Variants in FRK observed in about 807,000 individuals in gnomAD.
The protein encoded by FRK is fyn related Src family tyrosine kinase.
In FRK, 51 loss-of-function variants were observed where a neutral mutation model predicts 56.4. The ratio of observed to expected loss-of-function variants is 0.90; its 90% CI spans 0.72 to 1.14. The LOEUF (loss-of-function observed/expected upper bound fraction) is 1.14, where lower values mean the gene tolerates loss of function less well. FRK is among the 50% of genes most tolerant of loss of function. The pLI, the probability that FRK is intolerant of heterozygous loss-of-function variation, is 0.00. For missense variants in FRK, 570 were observed against 601.4 expected (o/e 0.95, Z 0.55); for synonymous variants, 245 against 217.9 (o/e 1.12, Z -1.10).
chr6:116,053,304 A>C (rs1777248168), intron 1 of FRK, among the ~76,000 whole-genome samples: 1 of 152,180 alleles, frequency 6.6e-6, no homozygotes, highest in African/African-American at 2.4e-5. Flanking sequence ...TAGTTAGAAA[A>C]TCTGAAGGGA....
intron 1 of FRK, among the ~76,000 whole-genome samples, chr6:116,030,890 T>C (rs895342870): frequency 6.6e-6 from 1 of 152,128 alleles, no homozygotes; most frequent in Non-Finnish European, 1.5e-5. Context: ...GTAGCTGGTA[T>C]CTGCAGTAGA....
At chr6:116,083,859 T>C in the FRK span, among the ~76,000 whole-genome samples, 1 of 150,994 alleles carries the variant, frequency 6.6e-6, no homozygotes, top group Non-Finnish European at 1.5e-5. Flanking sequence ...TGAGGCCTCA[T>C]TATGTTGCCC....
the FRK span, among the ~76,000 whole-genome samples, chr6:116,094,280 G>A: frequency 1.3e-5 from 2 of 152,188 alleles, no homozygotes; most frequent in East Asian, 1.9e-4. Flanking sequence ...GAGGGTGCCC[G>A]GGGCAAGCGC....
At chr6:116,010,537 A>C (rs2114710896) in intron 1 of FRK, among the ~76,000 whole-genome samples, 1 of 152,324 alleles carries the variant, frequency 6.6e-6, no homozygotes, top group East Asian at 1.9e-4. Context: ...TGAGCAGCGA[A>C]ACAGATGGAA....
chr6:116,063,996 A>G (rs562154437), upstream of FRK, among the ~76,000 whole-genome samples: 24 of 152,320 alleles, frequency 1.6e-4, no homozygotes, highest in African/African-American at 5.5e-4. Flanking sequence ...GACTCTAAAA[A>G]TATCTGATAT....
the FRK span, among the ~76,000 whole-genome samples, chr6:116,094,674 G>A: frequency 2.6e-5 from 4 of 152,250 alleles, no homozygotes; most frequent in African/African-American, 9.6e-5. Flanking sequence ...GCCGTCAAAA[G>A]GGGAAGGAGA....
chr6:115,952,677 G>A, intron 5 of FRK, among the ~76,000 whole-genome samples: 1 of 151,118 alleles, frequency 6.6e-6, no homozygotes, highest in East Asian at 1.9e-4. Flanking sequence ...CAACCCAAAT[G>A]TCCAACAATG....
chr6:116,017,964 T>C (rs1206290135), intron 1 of FRK, among the ~76,000 whole-genome samples: 1 of 152,194 alleles, frequency 6.6e-6, no homozygotes, highest in Non-Finnish European at 1.5e-5. Flanking sequence ...ATAAAATTTG[T>C]GAAGAGCAAA....
In FRK at chr6:116,060,379, T is replaced by C. The variant is rs1777584374; in HGVS notation, c.-68A>G. 2 of 1,302,464 alleles carry C rather than the reference T, an allele frequency of 1.5e-6. No individual in the cohort carries two copies. Among genetic ancestry groups the C allele is most frequent in the Non-Finnish European group, 1.1e-6 (1 of 932,282 alleles). 80.7% of individuals were successfully genotyped at this position (1,302,464 alleles called of 1,614,324 possible). On this transcript the variant is annotated 5_prime_UTR_variant, in exon 1 of 8. Coordinates refer to ENST00000606080, the MANE Select transcript of FRK (RefSeq NM_002031.3). ...CCCTTAGTCTCTGCGATCCACCTTA[T>C]CTTCCTTCACCAGGCAACTTTGAAG...
chr6:116,040,257 A>T (rs1464476567), intron 1 of FRK, among the ~76,000 whole-genome samples: 1 of 152,210 alleles, frequency 6.6e-6, no homozygotes, highest in East Asian at 1.9e-4. Context: ...GTAAAACTAC[A>T]TATGTGTAAT....
intron 2 of FRK, among the ~76,000 whole-genome samples, chr6:115,969,471 G>A (rs576731671): frequency 5.9e-5 from 9 of 152,126 alleles, no homozygotes; most frequent in South Asian, 2.1e-4. Context: ...TACTGTTGCC[G>A]CCCACCTACC....
chr6:115,963,085 T>G, intron 4 of FRK, among the ~76,000 whole-genome samples: 1 of 50,210 alleles, frequency 2.0e-5, no homozygotes, highest in Non-Finnish European at 4.1e-5. Flanking sequence ...AAAAAAACCT[T>G]CAAAAAATCA....
intron 4 of FRK, among the ~76,000 whole-genome samples, chr6:115,959,282 A>T (rs1773229673): frequency 6.6e-6 from 1 of 152,212 alleles, no homozygotes; most frequent in African/African-American, 2.4e-5. Context: ...AATCAATAAT[A>T]ATTATTCCTG....
At chr6:116,028,204 A>G (rs892191475) in intron 1 of FRK, among the ~76,000 whole-genome samples, 4 of 152,198 alleles carry the variant, frequency 2.6e-5, no homozygotes, top group Admixed American at 2.6e-4. Flanking sequence ...ACTCAGTACC[A>G]TCAGTATTTT....
the FRK span, among the ~76,000 whole-genome samples, chr6:116,098,016 A>G: frequency 6.7e-6 from 1 of 149,336 alleles, no homozygotes; most frequent in Non-Finnish European, 1.5e-5. Flanking sequence ...TTATTTTCTC[A>G]CAGTTCTGGA....
chr6:116,070,134 T>TA, the FRK span, among the ~76,000 whole-genome samples: 7,124 of 136,986 alleles, frequency 0.052, 243 homozygotes, highest in Admixed American at 0.14. Context: ...GCCCATTATT[T>TA]AAAAAAAAAA....
chr6:116,038,725 C>G (rs1038951417), intron 1 of FRK: 1 of 454,320 alleles, frequency 2.2e-6, no homozygotes, highest in Non-Finnish European at 4.4e-6. Flanking sequence ...TGAAGGCTGA[C>G]GCTGACCTTC....
chr6:116,011,472 G>GAA (rs1369396426), intron 1 of FRK, among the ~76,000 whole-genome samples: 217 of 142,962 alleles, frequency 1.5e-3, no homozygotes, highest in African/African-American at 5.2e-3. Flanking sequence ...CTAGTTCCAG[G>GAA]AAAAAAAAAA....
the FRK span, among the ~76,000 whole-genome samples, chr6:116,084,168 A>T: frequency 6.6e-6 from 1 of 152,164 alleles, no homozygotes; most frequent in Non-Finnish European, 1.5e-5. Context: ...GGTTATATAT[A>T]TTTTCTTTAG....
Sources: gnomAD v4.1 joint callset for allele counts (sites outside exome capture counted in the v4.1 genomes callset) on GRCh38, gnomAD v4.1.1 for gene constraint, MANE v1.5 for transcripts, NCBI Gene and HGNC (gene_info 2026-07-23, HGNC 2026-07-21) for gene names.